Variants in IL17B observed in about 807,000 individuals in gnomAD.
IL17B encodes the protein interleukin 17B.
A neutral mutation model predicts 14.7 loss-of-function variants in IL17B; 14 were observed. The observed-to-expected ratio is 0.95, with a 90% CI of 0.63 to 1.49. The LOEUF is 1.49. Among genes scored for constraint, IL17B ranks in the 40% most tolerant of loss-of-function variants. The pLI, the probability that IL17B is intolerant of heterozygous loss-of-function variation, is 0.00. For synonymous variants in IL17B, 105 were observed against 94.8 expected (o/e 1.11, Z -0.62); for missense variants, 233 against 252.8 (o/e 0.92, Z 0.53).
chr5:149,393,761 C>T (rs1450072576), intron 1 of IL17B, among the ~76,000 whole-genome samples: 1 of 152,126 alleles, frequency 6.6e-6, no homozygotes, highest in Non-Finnish European at 1.5e-5. Context: ...GCCCCTGGAT[C>T]CAGCCATACC....
chr5:149,403,644 G>T (rs1471355151), intron 1 of IL17B, among the ~76,000 whole-genome samples: 1 of 152,164 alleles, frequency 6.6e-6, no homozygotes, highest in Non-Finnish European at 1.5e-5. Flanking sequence ...GAATTAGTGT[G>T]AATTCAGGGT....
chr5:149,392,111 T>C (rs1339040769), intron 1 of IL17B, among the ~76,000 whole-genome samples: 1 of 152,204 alleles, frequency 6.6e-6, no homozygotes, highest in East Asian at 1.9e-4. Flanking sequence ...TAGAGTAATA[T>C]CTATGAGAAT....
At chr5:149,396,803 A>C (rs1237138759) in intron 1 of IL17B, among the ~76,000 whole-genome samples, 1 of 152,224 alleles carries the variant, frequency 6.6e-6, no homozygotes, top group Non-Finnish European at 1.5e-5. Flanking sequence ...TCACCATGTA[A>C]TGTGTTTTGT....
chr5:149,401,935 T>G lies in IL17B; in HGVS notation n.95+2173A>C, dbSNP rs966732569. ...TTCTTTCACACATCGAACGGTGCAT[T>G]TTACATGCACGGTCACATGTGTTAC... On this transcript the variant is annotated intron_variant and non_coding_transcript_variant, in intron 1 of 2. Coordinates refer to the IL17B transcript ENST00000505432. Among the ~76,000 whole-genome samples, 23 of 152,242 alleles carry G rather than the reference T, an allele frequency of 1.5e-4. 1 individual carries two copies. In the East Asian group the frequency reaches 2.7e-3, roughly 18 times the overall value.
upstream of IL17B, among the ~76,000 whole-genome samples, chr5:149,382,618 G>A (rs1405812163): frequency 2.6e-5 from 4 of 152,232 alleles, no homozygotes; most frequent in African/African-American, 4.8e-5. Flanking sequence ...AAGATTCACA[G>A]CAAGTTTGTC....
At chr5:149,377,207 C>T (rs1402070944) in intron 1 of IL17B, among the ~76,000 whole-genome samples, 182 bp from the exon 2 acceptor site, 1 of 152,170 alleles carries the variant, frequency 6.6e-6, no homozygotes, top group Non-Finnish European at 1.5e-5. Flanking sequence ...TTGTGTGTTC[C>T]AGCCTCTGGT....
At chr5:149,380,020 AC>A (rs1338915733), upstream of IL17B, among the ~76,000 whole-genome samples, 1 of 152,132 alleles carries the variant, frequency 6.6e-6, no homozygotes, top group Non-Finnish European at 1.5e-5. Context: ...ATGAGGACTT[AC>A]GGCTGATTGT....
rs778900330 is a variant in IL17B at position 149,376,848 on chromosome 5, C to T, written c.199G>A (p.Glu67Lys). Residue 67 changes from glutamate (E) to lysine (K), a missense_variant, in exon 2 of 3, where the codon GAG becomes AAG. Transcript: ENST00000261796. ...ARMEEYERNI[E>K]EMVAQLRNSS... ...TTCCTCAGCTGGGCCACCATCTCCT[C>T]GATGTTCCTCTCATACTCCTCCATG... 17 of 1,614,020 alleles carry T rather than the reference C, an allele frequency of 1.1e-5. No homozygotes were observed. Among genetic ancestry groups the T allele is most frequent in the African/African-American group, 8.0e-5 (6 of 74,928 alleles).
At chr5:149,377,640 C>T (rs353268) in intron 1 of IL17B, among the ~76,000 whole-genome samples, 17,185 of 152,174 alleles carry the variant, frequency 0.11, 1,325 homozygotes, top group Non-Finnish European at 0.16. Context: ...GTCTCCCTAG[C>T]GACAAGTCCA....
chr5:149,393,133 GA>G (rs1279468575), intron 1 of IL17B, among the ~76,000 whole-genome samples: 1 of 152,178 alleles, frequency 6.6e-6, no homozygotes, highest in Non-Finnish European at 1.5e-5. Context: ...TGTACAAATA[GA>G]AAAACTGAGG....
chr5:149,392,034 C>T (rs530729710), intron 1 of IL17B, among the ~76,000 whole-genome samples: 106 of 152,242 alleles, frequency 7.0e-4, no homozygotes, highest in Non-Finnish European at 1.2e-3. Context: ...GTGACACAGG[C>T]CTCTTGTACA....
intron 1 of IL17B, among the ~76,000 whole-genome samples, chr5:149,400,031 G>A (rs527345046): frequency 7.3e-4 from 111 of 152,202 alleles, no homozygotes; most frequent in African/African-American, 2.6e-3. Context: ...CCACATCAGT[G>A]GTCCCTTACA....
At chr5:149,384,556 A>G (rs1758781476) in intron 1 of IL17B, among the ~76,000 whole-genome samples, 1 of 152,220 alleles carries the variant, frequency 6.6e-6, no homozygotes, top group African/African-American at 2.4e-5. Context: ...CATCCCTGCT[A>G]TGTAGCAGCT....
Position 149,376,822 on chromosome 5 carries a change from G to T in IL17B, c.225C>A (p.Asn75Lys), listed in dbSNP as rs767580112. 1.2e-6 allele frequency: 2 copies of T among 1,614,044 alleles called. No individual in the cohort carries two copies. Among genetic ancestry groups the T allele is most frequent in the Non-Finnish European group, 1.7e-6 (2 of 1,179,896 alleles). The change falls in exon 2 of 3, where the codon AAC becomes AAA. Residue 75 changes from asparagine (N) to lysine (K), a missense_variant. Asn to Lys is a moderately conservative substitution (Grantham distance 94). Coordinates refer to ENST00000261796, the MANE Select transcript of IL17B (RefSeq NM_014443.3). The stretch of plus-strand genomic sequence containing the variant: ...ACTTTCTCTGGGCCAGCTCTGAGCT[G>T]TTCCTCAGCTGGGCCACCATCTCCT... Reference protein sequence around the residue: ...NIEEMVAQLRNSSELAQRKCE... With the variant: ...NIEEMVAQLRKSSELAQRKCE...
intron 1 of IL17B, among the ~76,000 whole-genome samples, chr5:149,385,702 G>T (rs910796077): frequency 6.6e-6 from 1 of 152,260 alleles, no homozygotes; most frequent in African/African-American, 2.4e-5. Flanking sequence ...GAGTTTACAG[G>T]ACGTCTGGAT....
intron 1 of IL17B, among the ~76,000 whole-genome samples, chr5:149,403,119 C>T (rs915197197): frequency 3.3e-5 from 5 of 150,744 alleles, no homozygotes; most frequent in Admixed American, 2.6e-4. Context: ...AGGTCTCATT[C>T]TATAGCCCAG....
chr5:149,390,378 C>T (rs1015157446), intron 1 of IL17B, among the ~76,000 whole-genome samples: 4 of 151,974 alleles, frequency 2.6e-5, no homozygotes, highest in Admixed American at 2.0e-4. Flanking sequence ...CAGTCTCATG[C>T]AGCCAATCTG....
intron 1 of IL17B, among the ~76,000 whole-genome samples, chr5:149,387,697 T>A (rs995701499): frequency 7.9e-5 from 11 of 138,562 alleles, no homozygotes; most frequent in African/African-American, 3.0e-4. Context: ...GATCACTTGA[T>A]CCCAATAGGT....
chr5:149,378,528 C>T (rs1758604643), intron 1 of IL17B, among the ~76,000 whole-genome samples: 1 of 152,222 alleles, frequency 6.6e-6, no homozygotes, highest in Non-Finnish European at 1.5e-5. Context: ...TTGAGATAGG[C>T]TCCATATGTT....
Sources: gnomAD v4.1 joint callset for allele counts (sites outside exome capture counted in the v4.1 genomes callset) on GRCh38, gnomAD v4.1.1 for gene constraint, MANE v1.5 for transcripts, NCBI Gene and HGNC (gene_info 2026-07-23, HGNC 2026-07-21) for gene names.